The following DMD variants were observed in gnomAD, a reference collection of about 807,000 sequenced individuals.
DMD encodes mutant dystrophin.
In DMD, 63 loss-of-function variants were observed where a neutral mutation model predicts 330.1. The observed-to-expected ratio is 0.19, with a 90% confidence interval of 0.16 to 0.24. The LOEUF (loss-of-function observed/expected upper bound fraction) is 0.24. Ranked by LOEUF, DMD falls within the 10% of genes least tolerant of loss-of-function variation. DMD has a pLI of 1.00. For synonymous variants in DMD, 1,223 were observed against 959.8 expected (o/e 1.27, Z -5.07); for missense variants, 3,344 against 2,684.1 (o/e 1.25, Z -5.43).
At chrX:32,859,505 A>ACACACACACG (rs1196332140) in intron 2 of DMD, among the ~76,000 whole-genome samples, 9 of 90,602 alleles carry the variant, frequency 9.9e-5, no homozygotes, top group African/African-American at 3.4e-4. Context: ...ACACACACAC[A>ACACACACACG]CACACAAGTT....
chrX:31,681,921 C>G (rs767533679), intron 52 of DMD, among the ~76,000 whole-genome samples: 16 of 111,353 alleles, frequency 1.4e-4, no homozygotes, highest in Non-Finnish European at 2.6e-4. Context: ...TGCTGAAACC[C>G]AGTCTCTACT....
intron 1 of DMD, among the ~76,000 whole-genome samples, chrX:33,074,430 C>A (rs1322147523): frequency 1.1e-5 from 1 of 94,896 alleles, no homozygotes; most frequent in African/African-American, 4.3e-5. Flanking sequence ...TTTTTTTTGT[C>A]TTTTAGCATC....
In DMD at chrX:31,471,338, T is replaced by C. The variant is rs981211500; in HGVS notation, c.8937+6768A>G. Among the ~76,000 whole-genome samples, 3 of 111,805 alleles carry C rather than the reference T, an allele frequency of 2.7e-5. No individual in the cohort carries two copies. In the Admixed American group the frequency reaches 2.8e-4, roughly 11 times the overall value. ...TGCGGAGGCTGTGGGAAAAGCATAG[T>C]GTCTGGGCTGGAATGCTCCGTTCCT... On this transcript the variant is annotated intron_variant, in intron 59 of 78. Transcript: ENST00000357033.
At chrX:31,990,978 G>C (rs140672571) in intron 44 of DMD, among the ~76,000 whole-genome samples, 1 of 112,004 alleles carries the variant, frequency 8.9e-6, no homozygotes, top group Non-Finnish European at 1.9e-5. Context: ...TTCAGAGAGA[G>C]ATCTTCAAAG....
intron 44 of DMD, among the ~76,000 whole-genome samples, chrX:31,988,798 T>TCC (rs2095529712): frequency 9.0e-6 from 1 of 110,752 alleles, no homozygotes. Context: ...TCTCTCTCTC[T>TCC]CTCTCTCTCG....
chrX:32,904,091 A>T (rs981091019), intron 2 of DMD, among the ~76,000 whole-genome samples: 35 of 112,384 alleles, frequency 3.1e-4, no homozygotes, highest in African/African-American at 1.1e-3. Context: ...ATATTCAACA[A>T]TGGACAGTCA....
rs182473951 is a variant in DMD at position 31,954,626 on chromosome X, T to C, written c.6614+13713A>G. On this transcript the variant is annotated intron_variant, in intron 45 of 78. Transcript: ENST00000357033. The stretch of plus-strand genomic sequence containing the variant: ...CTGGAGGTAATTATTTTAAGTAAGG[T>C]AAACCAGGCACAGAAAGACAAATAT... Among the ~76,000 whole-genome samples the C allele has an allele frequency of 4.5e-5, 5 of 110,439 alleles. No homozygotes were observed. In the East Asian group the frequency reaches 1.4e-3, roughly 32 times the overall value.
intron 21 of DMD, among the ~76,000 whole-genome samples, chrX:32,479,719 A>G (rs1159252480): frequency 9.1e-6 from 1 of 109,620 alleles, no homozygotes; most frequent in Non-Finnish European, 1.9e-5. Context: ...ATATCAGTAT[A>G]TATATCTCTA....
chrX:32,717,123 T>C (rs939633716), intron 7 of DMD, among the ~76,000 whole-genome samples: 1 of 111,310 alleles, frequency 9.0e-6, no homozygotes, highest in East Asian at 2.8e-4. Context: ...ATTCAAGCTG[T>C]CTGCGGAAAT....
intron 60 of DMD, among the ~76,000 whole-genome samples, chrX:31,425,200 C>T (rs2063632148): frequency 8.9e-6 from 1 of 112,014 alleles, no homozygotes; most frequent in Non-Finnish European, 1.9e-5. Context: ...CTTGCAATTC[C>T]ATATACAGGT....
intron 23 of DMD, among the ~76,000 whole-genome samples, chrX:32,467,081 T>C (rs1403234071): frequency 8.9e-6 from 1 of 112,232 alleles, no homozygotes; most frequent in East Asian, 2.8e-4. Flanking sequence ...ATGCAGTATT[T>C]ACATAGGTAT....
chrX:32,543,320 T>G (rs754758315), intron 17 of DMD, among the ~76,000 whole-genome samples: 123 of 110,406 alleles, frequency 1.1e-3, no homozygotes, highest in African/African-American at 3.9e-3. Context: ...CAAAAAGAAG[T>G]CAGAACACAC....
In DMD at chrX:31,256,189, G is replaced by C. The variant is rs186953085; in HGVS notation, c.9286+4766C>G. On this transcript the variant is annotated intron_variant, in intron 63 of 78. Coordinates refer to ENST00000357033, the MANE Select transcript of DMD (RefSeq NM_004006.3). ...CTACTATTCTCTACTACCATTCTAT[G>C]ACTATTGGGGGTAGTCACAGACAAA... is the stretch of plus-strand genomic sequence containing the variant. Among the ~76,000 whole-genome samples the C allele has an allele frequency of 2.3e-3, 263 of 111,968 alleles. 1 individual carries two copies. The highest frequency in any genetic ancestry group is 4.0e-3 in the Non-Finnish European group (212 of 53,238).
chrX:31,207,369 T>C (rs1325859172), intron 65 of DMD, among the ~76,000 whole-genome samples: 5 of 85,716 alleles, frequency 5.8e-5, no homozygotes, highest in African/African-American at 1.8e-4. Context: ...AAAACTGAAA[T>C]AAAGCATTTC....
intron 29 of DMD, among the ~76,000 whole-genome samples, chrX:32,423,507 T>C (rs2098199204): frequency 9.0e-6 from 1 of 110,836 alleles, no homozygotes; most frequent in Non-Finnish European, 1.9e-5. Context: ...CAAGTATATA[T>C]ATGTGTTTGT....
At chrX:33,311,898 G>A (rs2053854918) in intron 1 of DMD, among the ~76,000 whole-genome samples, 1 of 109,773 alleles carries the variant, frequency 9.1e-6, no homozygotes, top group Admixed American at 9.8e-5. Context: ...AAAACAGATG[G>A]GCAAGAAAAA....
intron 44 of DMD, among the ~76,000 whole-genome samples, chrX:32,082,266 C>T (rs1274718118): frequency 1.8e-5 from 2 of 111,027 alleles, no homozygotes; most frequent in Non-Finnish European, 3.8e-5. Flanking sequence ...ACTCTGTCAC[C>T]CAGGCTGGAG....
At chrX:32,158,799 C>T (rs1384868817) in intron 44 of DMD, among the ~76,000 whole-genome samples, 1 of 111,871 alleles carries the variant, frequency 8.9e-6, no homozygotes, top group Non-Finnish European at 1.9e-5. Context: ...ACATGGAGGA[C>T]CAAAGCTACC....
intron 62 of DMD, among the ~76,000 whole-genome samples, chrX:31,289,104 A>T (rs1207802217): frequency 9.3e-6 from 1 of 107,415 alleles, no homozygotes; most frequent in Non-Finnish European, 1.9e-5. Context: ...ACATGGTGAA[A>T]CTCTATCTCT....
Sources: gnomAD v4.1 joint callset for allele counts (sites outside exome capture counted in the v4.1 genomes callset) on GRCh38, gnomAD v4.1.1 for gene constraint, MANE v1.5 for transcripts, NCBI Gene and HGNC (gene_info 2026-07-23, HGNC 2026-07-21) for gene names.